The following HAS3 variants were observed in gnomAD, a reference collection of about 807,000 sequenced individuals.
The protein encoded by HAS3 is HA synthase 3.
In HAS3, 27 loss-of-function variants were observed where a neutral mutation model predicts 50.3. The ratio of observed to expected loss-of-function variants is 0.54; its 90% CI spans 0.40 to 0.74. The LOEUF is 0.74. Ranked by LOEUF, HAS3 falls within the 30% of genes least tolerant of loss-of-function variation. The pLI is 0.00. For missense variants in HAS3, 517 were observed against 742.8 expected, an observed-to-expected ratio of 0.70 and a Z score of 3.53; for synonymous variants, 339 against 310.9, an observed-to-expected ratio of 1.09 and a Z score of -0.95.
In HAS3 at chr16:69,116,870, A is replaced by T. The variant is rs966142409; in HGVS notation, c.*1604A>T. ...AGAGGGGCCAGCTAACCCGTGCAGA[A>T]CCAGCACTAAGGTGGACAGCAGACA... On this transcript the variant is annotated 3_prime_UTR_variant, in exon 4 of 4. Transcript: ENST00000569188. 3.0e-6 allele frequency: 3 copies of T among 985,460 alleles called. No homozygotes were observed. The highest frequency in any genetic ancestry group is 3.6e-6 in the Non-Finnish European group (3 of 829,946). The allele number at this position is 985,460 out of a possible 1,614,324, so 61.0% of individuals were successfully genotyped here.
At chr16:69,111,763 T>C (rs540057099) in intron 2 of HAS3, among the ~76,000 whole-genome samples, 2 of 152,198 alleles carry the variant, frequency 1.3e-5, no homozygotes, top group African/African-American at 2.4e-5. Context: ...TGTGAAACTT[T>C]CCTGGGGACC....
rs1219605855 is a variant in HAS3, at chr16:69,106,338, C to T, written c.-1+551C>T. 6.8e-6 allele frequency: 1 copy of T among 147,240 alleles called. No homozygotes were observed. Among genetic ancestry groups the T allele is most frequent in the Non-Finnish European group, 1.5e-5 (1 of 66,152 alleles). The allele number at this position is 147,240 out of a possible 1,614,324, so 9.1% of individuals were successfully genotyped here. ...CACGGTGAGCGCGGGCCGGCCGGCA[C>T]CCAGGAGGGGAGGGCCGCGCGGGGC... On this transcript the variant is annotated intron_variant, in intron 1 of 3. Coordinates refer to ENST00000569188, the MANE Select transcript of HAS3 (RefSeq NM_001199280.2). This position sits in a 1 kb window ranked among gnomAD's most constrained non-coding sequence, Gnocchi z 5.5.
In HAS3 at chr16:69,107,575, C is replaced by A. The variant is rs752948541; in HGVS notation, c.-1+1788C>A. On this transcript the variant is annotated intron_variant, in intron 1 of 3. Transcript: ENST00000569188. The surrounding 1 kb of genome is among the most constrained non-coding windows in gnomAD (Gnocchi z 5.5). ...GCGGCTGCTTTGACCTGGTGGGCGC[C>A]GCCTCCGGCACTGCACCGAGGCGGG... 3.0e-6 allele frequency: 3 copies of A among 984,922 alleles called. No homozygotes were observed. The African/African-American group carries it at 5.2e-5, about 17-fold the overall frequency. The allele number at this position is 984,922 out of a possible 1,614,324, so 61.0% of individuals were successfully genotyped here.
the HAS3 span, among the ~76,000 whole-genome samples, chr16:69,086,356 G>T: frequency 6.6e-6 from 1 of 151,954 alleles, no homozygotes; most frequent in South Asian, 2.1e-4. Context: ...TAGAGACAGG[G>T]TCTTGCTATG....
intron 1 of HAS3, among the ~76,000 whole-genome samples, 154 bp downstream of exon 1, chr16:69,105,941 G>A (rs1306961458): frequency 1.3e-5 from 2 of 152,258 alleles, no homozygotes; most frequent in Non-Finnish European, 2.9e-5. Context: ...TGGTCCCAGG[G>A]CGATTGCAGA....
the HAS3 span, among the ~76,000 whole-genome samples, chr16:69,098,257 G>A: frequency 6.6e-6 from 1 of 152,120 alleles, no homozygotes; most frequent in Non-Finnish European, 1.5e-5. Flanking sequence ...TGTAGTCCAA[G>A]CTACTCAGGA....
At chr16:69,110,832 A>G (rs1014116669) in intron 2 of HAS3, among the ~76,000 whole-genome samples, 1 of 152,172 alleles carries the variant, frequency 6.6e-6, no homozygotes, top group Non-Finnish European at 1.5e-5. Flanking sequence ...GGTGAAGAGC[A>G]AAAGAAACCA....
At chr16:69,118,136 CT>C, downstream of HAS3, 1 of 374,602 alleles carries the variant, frequency 2.7e-6, no homozygotes, top group Non-Finnish European at 5.0e-6. Context: ...CACCCCCACC[CT>C]AATTCCCATA....
chr16:69,094,619 T>G, the HAS3 span, among the ~76,000 whole-genome samples: 1 of 152,114 alleles, frequency 6.6e-6, no homozygotes, highest in Admixed American at 6.6e-5. Flanking sequence ...AGACCCCTCA[T>G]GAGTCTCTAG....
At chr16:69,097,709 T>C in the HAS3 span, among the ~76,000 whole-genome samples, 2 of 152,088 alleles carry the variant, frequency 1.3e-5, no homozygotes, top group African/African-American at 4.8e-5. Context: ...GGGAAAAGCC[T>C]CCTTCTAGGG....
chr16:69,097,732 C>T, the HAS3 span, among the ~76,000 whole-genome samples: 2 of 152,062 alleles, frequency 1.3e-5, no homozygotes, highest in Admixed American at 6.5e-5. Context: ...ATCCTAGAGC[C>T]GTATTTAGCA....
the HAS3 span, among the ~76,000 whole-genome samples, chr16:69,088,976 C>T: frequency 7.1e-4 from 108 of 152,018 alleles, no homozygotes; most frequent in Non-Finnish European, 9.4e-4. Flanking sequence ...AGTTTTTTCC[C>T]CTCCATAAAA....
Position 69,109,991 on chromosome 16 carries a change from C to T in HAS3, c.596C>T (p.Thr199Met), listed in dbSNP as rs1275726918. Residue 199 changes from threonine to methionine, a missense_variant, in exon 2 of 4, where the codon ACG becomes ATG. Transcript: ENST00000569188. This position sits in a 1 kb window ranked among gnomAD's most constrained non-coding sequence, Gnocchi z 5.3. ...KWGGKREVMY[T>M]AFKALGDSVD... ...GGAGGCAAGCGCGAGGTCATGTACA[C>T]GGCCTTCAAGGCCCTCGGCGATTCG... 4.3e-6 allele frequency: 7 copies of T among 1,612,992 alleles called. No individual in the cohort carries two copies. The highest frequency in any genetic ancestry group is 5.1e-6 in the Non-Finnish European group (6 of 1,179,214).
chr16:69,089,168 CTGAA>C, the HAS3 span, among the ~76,000 whole-genome samples: 1 of 152,166 alleles, frequency 6.6e-6, no homozygotes, highest in Middle Eastern at 3.2e-3. Flanking sequence ...GCGAGGGTGA[CTGAA>C]TGAAGTGCTG....
chr16:69,093,624 G>A, the HAS3 span, among the ~76,000 whole-genome samples: 13 of 144,750 alleles, frequency 9.0e-5, no homozygotes, highest in South Asian at 2.0e-3. Flanking sequence ...TCCACCTCCC[G>A]GGTTCAGGCA....
In HAS3 at chr16:69,109,192, T is replaced by C. The variant is rs1960909437; in HGVS notation, c.1-204T>C. On this transcript the variant is annotated intron_variant, in intron 1 of 3. Transcript: ENST00000569188. This position sits in a 1 kb window ranked among gnomAD's most constrained non-coding sequence, Gnocchi z 5.3. ...TGCAACCCACATTTTACAGATGACG[T>C]AAGGGGGCACAGACATCAAGTGGCA... Among the ~76,000 whole-genome samples the C allele has an allele frequency of 1.3e-5, 2 of 152,204 alleles. No homozygotes were observed. Among genetic ancestry groups the C allele is most frequent in the Admixed American group, 6.5e-5 (1 of 15,282 alleles).
At chr16:69,104,170 T>TG (rs1376091855), upstream of HAS3, among the ~76,000 whole-genome samples, 1 of 151,760 alleles carries the variant, frequency 6.6e-6, no homozygotes, top group East Asian at 1.9e-4. Flanking sequence ...AGCTCACTGT[T>TG]GCCTTGACCT....
Position 69,107,479 on chromosome 16 carries a change from G to A in HAS3, c.-1+1692G>A, listed in dbSNP as rs543136682. The A allele has an allele frequency of 7.0e-5, 69 of 985,678 alleles. 1 individual carries two copies. The South Asian group carries it at 2.5e-3, about 36-fold the overall frequency. The allele number at this position is 985,678 out of a possible 1,614,324, so 61.1% of individuals were successfully genotyped here. ...GTTGGGTCGTGGGAAAGCGGCACGT[G>A]GGTGTGGCCGGCGCCGCCTTTGCCA... On this transcript the variant is annotated intron_variant, in intron 1 of 3. Coordinates refer to ENST00000569188, the MANE Select transcript of HAS3 (RefSeq NM_001199280.2). This position sits in a 1 kb window ranked among gnomAD's most constrained non-coding sequence, Gnocchi z 5.5.
At chr16:69,118,136 CTA>C, downstream of HAS3, 1 of 374,602 alleles carries the variant, frequency 2.7e-6, no homozygotes, top group Non-Finnish European at 5.0e-6. Context: ...CACCCCCACC[CTA>C]ATTCCCATAT....
Sources: gnomAD v4.1 joint callset for allele counts (sites outside exome capture counted in the v4.1 genomes callset) on GRCh38, gnomAD v4.1.1 for gene constraint, Gnocchi (gnomAD v3.1) non-coding constraint, MANE v1.5 for transcripts, NCBI Gene and HGNC (gene_info 2026-07-23, HGNC 2026-07-21) for gene names.